The following STXBP4 variants were observed in gnomAD, a reference collection of about 807,000 sequenced individuals.
The protein encoded by STXBP4 is syntaxin binding protein 4.
In STXBP4, 55 loss-of-function variants were observed where a neutral mutation model predicts 76.1. That is an observed-to-expected ratio of 0.72 (90% CI 0.58 to 0.91). The LOEUF is 0.91. Ranked by LOEUF, STXBP4 falls within the 40% of genes least tolerant of loss-of-function variation. STXBP4 has a pLI of 0.00. For missense variants in STXBP4, 618 were observed against 636.9 expected (o/e 0.97, Z 0.32); for synonymous variants, 201 against 220.2 (o/e 0.91, Z 0.77).
At chr17:55,096,612 CTT>C (rs74955815) in intron 16 of STXBP4, among the ~76,000 whole-genome samples, 12 of 133,574 alleles carry the variant, frequency 9.0e-5, no homozygotes, top group Admixed American at 7.5e-5. Flanking sequence ...TTTCATATTG[CTT>C]TTTTTTTTTT....
chr17:55,183,813 T>A, the STXBP4 span, among the ~76,000 whole-genome samples: 1 of 152,220 alleles, frequency 6.6e-6, no homozygotes, highest in Non-Finnish European at 1.5e-5. Context: ...TAATAAAAAA[T>A]GGTTTAATTT....
chr17:55,089,574 G>A (rs1386018244), intron 16 of STXBP4, among the ~76,000 whole-genome samples: 4 of 152,100 alleles, frequency 2.6e-5, no homozygotes, highest in Non-Finnish European at 5.9e-5. Flanking sequence ...TGGAACCCCT[G>A]GAGATGCTTC....
the STXBP4 span, among the ~76,000 whole-genome samples, chr17:55,184,539 T>C: frequency 6.6e-6 from 1 of 152,250 alleles, no homozygotes. Context: ...TTTTAAACTT[T>C]ATGTAGATGG....
intron 8 of STXBP4, among the ~76,000 whole-genome samples, chr17:55,015,999 G>A (rs1011825689): frequency 2.6e-5 from 4 of 152,142 alleles, no homozygotes; most frequent in Non-Finnish European, 4.4e-5. Flanking sequence ...TACTGCAGAA[G>A]AATATAAGTC....
intron 16 of STXBP4, among the ~76,000 whole-genome samples, chr17:55,088,872 T>C (rs1398513244): frequency 6.6e-6 from 1 of 152,200 alleles, no homozygotes; most frequent in Non-Finnish European, 1.5e-5. Flanking sequence ...CATCATTGCA[T>C]ACATGGCCAT....
chr17:55,081,000 G>A (rs2628302), intron 15 of STXBP4, 50 bp from the exon 16 acceptor site: 687,565 of 1,335,140 alleles, frequency 0.51, 178,384 homozygotes, highest in South Asian at 0.57. Context: ...AGTAAAGATA[G>A]ATGTTGTTTA....
intron 3 of STXBP4, among the ~76,000 whole-genome samples, chr17:54,988,939 T>C (rs1203032670): frequency 6.6e-6 from 1 of 152,148 alleles, no homozygotes; most frequent in African/African-American, 2.4e-5. Context: ...ATGTTATATA[T>C]GGAGAGCAAA....
the STXBP4 span, among the ~76,000 whole-genome samples, chr17:55,195,219 G>A: frequency 3.3e-5 from 5 of 152,150 alleles, no homozygotes; most frequent in South Asian, 2.1e-4. Context: ...CAGAAGGAAC[G>A]CCTAGATGGG....
chr17:55,110,810 T>C (rs2079703107), intron 16 of STXBP4, among the ~76,000 whole-genome samples: 1 of 152,220 alleles, frequency 6.6e-6, no homozygotes, highest in Non-Finnish European at 1.5e-5. Flanking sequence ...GCCTAGCACA[T>C]AAATAATATT....
chr17:55,076,778 T>A (rs565588794), intron 13 of STXBP4, among the ~76,000 whole-genome samples: 1 of 152,162 alleles, frequency 6.6e-6, no homozygotes, highest in Admixed American at 6.5e-5. Flanking sequence ...TCAGATTGGA[T>A]GTGTGCTATA....
intron 10 of STXBP4, among the ~76,000 whole-genome samples, chr17:55,035,471 A>G (rs1038826702): frequency 1.3e-5 from 2 of 151,840 alleles, no homozygotes; most frequent in African/African-American, 2.4e-5. Flanking sequence ...CTGGAATCTT[A>G]TCCTGATAAC....
chr17:54,975,016 G>A (rs572885508), intron 1 of STXBP4, among the ~76,000 whole-genome samples: 1 of 152,340 alleles, frequency 6.6e-6, no homozygotes, highest in South Asian at 2.1e-4. Flanking sequence ...TGGTGGCCAT[G>A]TCTTCTGGAA....
At chr17:55,030,544 G>A (rs777226099) in intron 8 of STXBP4, among the ~76,000 whole-genome samples, 11 of 152,104 alleles carry the variant, frequency 7.2e-5, no homozygotes, top group South Asian at 2.1e-4. Context: ...TGGTTGGTTC[G>A]GTTACTAAGG....
intron 12 of STXBP4, among the ~76,000 whole-genome samples, chr17:55,062,119 T>C (rs1394178777): frequency 6.6e-6 from 1 of 152,064 alleles, no homozygotes; most frequent in African/African-American, 2.4e-5. Context: ...TTTTAAGTTC[T>C]GGGATACATG....
At chr17:54,979,037 C>T (rs2144313710) in intron 1 of STXBP4, among the ~76,000 whole-genome samples, 2 of 152,146 alleles carry the variant, frequency 1.3e-5, no homozygotes, top group South Asian at 4.1e-4. Context: ...TGTAATGATA[C>T]TTATGAACTA....
chr17:55,100,872 C>T (rs1567762093), intron 16 of STXBP4, among the ~76,000 whole-genome samples: 1 of 152,182 alleles, frequency 6.6e-6, no homozygotes, highest in East Asian at 1.9e-4. Context: ...GCACTCTTTA[C>T]TGGCTTCAAA....
chr17:55,041,048 G>A (rs1318830882), intron 10 of STXBP4, among the ~76,000 whole-genome samples: 1 of 151,880 alleles, frequency 6.6e-6, no homozygotes. Flanking sequence ...ATTATAAAAC[G>A]TTTTTTTAAG....
At chr17:55,056,020 A>C (rs1369032801) in intron 12 of STXBP4, among the ~76,000 whole-genome samples, 1 of 152,182 alleles carries the variant, frequency 6.6e-6, no homozygotes, top group African/African-American at 2.4e-5. Context: ...GATATACTTT[A>C]AGGTTAAACT....
chr17:55,019,342 T>G (rs2078263620), intron 8 of STXBP4, among the ~76,000 whole-genome samples: 1 of 152,212 alleles, frequency 6.6e-6, no homozygotes, highest in Non-Finnish European at 1.5e-5. Flanking sequence ...ATTCTTTTAG[T>G]GATTTCCTTA....
Sources: allele counts gnomAD v4.1 joint callset (sites outside exome capture counted in the v4.1 genomes callset), GRCh38; gene constraint gnomAD v4.1.1; transcripts MANE v1.5; gene names NCBI Gene and HGNC (gene_info 2026-07-23, HGNC 2026-07-21).